Variants in NAALADL2 observed in about 807,000 individuals in gnomAD.
NAALADL2 encodes inactive N-acetylated-alpha-linked acidic dipeptidase-like protein 2.
A neutral mutation model predicts 87.2 loss-of-function variants in NAALADL2; 76 were observed. The observed-to-expected ratio is 0.87, with a 90% CI of 0.72 to 1.05. NAALADL2 has a LOEUF of 1.05. NAALADL2 is among the 50% of genes least tolerant of loss of function. The probability of loss-of-function intolerance (pLI) is 0.00; values close to 1 mark genes in which losing one functional copy is unlikely to be tolerated. For missense variants in NAALADL2, 1,089 were observed against 945.8 expected (o/e 1.15, Z -1.99); for synonymous variants, 354 against 331.0 (o/e 1.07, Z -0.75).
chr3:175,324,150 T>G (rs762684877), intron 4 of NAALADL2, 25 bp from the exon 5 acceptor site: 3 of 1,608,522 alleles, frequency 1.9e-6, no homozygotes, highest in Non-Finnish European at 2.5e-6. Context: ...GATAATATTT[T>G]TAATAGCTTG....
chr3:175,242,030 T>G (rs1747011372), intron 3 of NAALADL2, among the ~76,000 whole-genome samples: 1 of 151,096 alleles, frequency 6.6e-6, no homozygotes, highest in Non-Finnish European at 1.5e-5. Flanking sequence ...CCCAGCAAAT[T>G]TTTGTATTTT....
At chr3:175,779,412 CCT>C (rs565363345) in intron 13 of NAALADL2, among the ~76,000 whole-genome samples, 6 of 151,926 alleles carry the variant, frequency 3.9e-5, no homozygotes, top group African/African-American at 7.3e-5. Context: ...CTTATTTTTC[CCT>C]CTCTGTTATT....
rs949457484 is a variant in NAALADL2, at chr3:175,119,399, T to C, written c.545+22108T>C. On this transcript the variant is annotated intron_variant, in intron 2 of 13. Coordinates refer to ENST00000454872, the MANE Select transcript of NAALADL2 (RefSeq NM_207015.3). The stretch of plus-strand genomic sequence containing the variant: ...AGGAACAAATAATATTCCAGGTATA[T>C]GGTCTAAAGGTACAGAGTTATTTGT... Among the ~76,000 whole-genome samples, 6 of 151,734 alleles carry C rather than the reference T, an allele frequency of 4.0e-5. No homozygotes were observed. The East Asian group carries it at 1.2e-3, about 29-fold the overall frequency.
rs564879695 is a variant in NAALADL2, at chr3:175,042,852, G to A, written c.44-53938G>A. On this transcript the variant is annotated intron_variant, in intron 1 of 13. Coordinates refer to ENST00000454872, the MANE Select transcript of NAALADL2 (RefSeq NM_207015.3). The stretch of plus-strand genomic sequence containing the variant: ...ACCTAAAGTGAGTTGTTTTAGTCAC[G>A]GGGGTGAATCCTTCATAAATTAATG... Among the ~76,000 whole-genome samples, 8 of 152,142 alleles carry A rather than the reference G, an allele frequency of 5.3e-5. No individual in the cohort carries two copies. The East Asian group carries it at 7.8e-4, about 15-fold the overall frequency.
chr3:175,418,377 C>T (rs2149112467), intron 5 of NAALADL2, among the ~76,000 whole-genome samples: 1 of 152,230 alleles, frequency 6.6e-6, no homozygotes, highest in Middle Eastern at 3.4e-3. Flanking sequence ...GTAAGGTTAT[C>T]ATCCAATGCA....
intron 1 of NAALADL2, among the ~76,000 whole-genome samples, chr3:175,031,690 T>A (rs112156752): frequency 0.072 from 10,898 of 152,118 alleles, 435 homozygotes; most frequent in Middle Eastern, 0.13. Flanking sequence ...TTGAGAAGTC[T>A]CCAACTGCTT....
intron 2 of NAALADL2, among the ~76,000 whole-genome samples, chr3:175,118,416 T>C (rs932503355): frequency 1.3e-5 from 2 of 151,366 alleles, no homozygotes; most frequent in African/African-American, 4.9e-5. Context: ...AATAATTAAA[T>C]AAAGCATAAA....
intron 10 of NAALADL2, among the ~76,000 whole-genome samples, chr3:175,579,947 A>C (rs1282527806): frequency 6.6e-6 from 1 of 151,960 alleles, no homozygotes; most frequent in Non-Finnish European, 1.5e-5. Flanking sequence ...CTGATTCCTC[A>C]CTCTGTTTAA....
chr3:174,659,880 G>T (rs1725348906), intron 2 of NAALADL2, among the ~76,000 whole-genome samples: 1 of 151,984 alleles, frequency 6.6e-6, no homozygotes, highest in African/African-American at 2.4e-5. Context: ...TTAGACCCCG[G>T]TGCATCATCA....
intron 1 of NAALADL2, among the ~76,000 whole-genome samples, chr3:174,506,914 T>G (rs1324453026): frequency 1.3e-5 from 2 of 151,998 alleles, no homozygotes; most frequent in Non-Finnish European, 2.9e-5. Flanking sequence ...AAGTAATAAC[T>G]CCTTGTATTT....
At chr3:174,741,990 A>G (rs985066310) in intron 3 of NAALADL2, among the ~76,000 whole-genome samples, 5 of 151,466 alleles carry the variant, frequency 3.3e-5, no homozygotes, top group African/African-American at 1.2e-4. Flanking sequence ...ACATGTTTTT[A>G]TATTATTCTT....
At chr3:174,790,058 C>G (rs1244297925) in intron 3 of NAALADL2, among the ~76,000 whole-genome samples, 1 of 152,166 alleles carries the variant, frequency 6.6e-6, no homozygotes, top group African/African-American at 2.4e-5. Flanking sequence ...TCTTGGCTCT[C>G]TTTCACCACA....
intron 2 of NAALADL2, among the ~76,000 whole-genome samples, chr3:175,223,217 G>T (rs1743655522): frequency 6.6e-6 from 1 of 150,950 alleles, no homozygotes. Flanking sequence ...TTAGATTCCT[G>T]GTATTTATTC....
intron 2 of NAALADL2, among the ~76,000 whole-genome samples, chr3:174,612,991 T>C (rs1038574053): frequency 6.6e-6 from 1 of 152,230 alleles, no homozygotes; most frequent in African/African-American, 2.4e-5. Flanking sequence ...AAGCTGTATC[T>C]GCATTAGGGG....
chr3:175,234,460 T>C (rs904266456), intron 3 of NAALADL2, among the ~76,000 whole-genome samples: 1 of 152,202 alleles, frequency 6.6e-6, no homozygotes, highest in Non-Finnish European at 1.5e-5. Flanking sequence ...CACATTTTGC[T>C]CTGTCCATAT....
At chr3:174,722,420 G>A (rs918005379) in intron 2 of NAALADL2, among the ~76,000 whole-genome samples, 7 of 152,108 alleles carry the variant, frequency 4.6e-5, no homozygotes. Flanking sequence ...AACGTAGGGT[G>A]GGCTGGGTGT....
chr3:175,441,191 G>GA (rs906423686), intron 5 of NAALADL2, among the ~76,000 whole-genome samples: 39 of 150,674 alleles, frequency 2.6e-4, no homozygotes, highest in African/African-American at 7.5e-4. Context: ...AGTATTTGGG[G>GA]AAAAAAAAAT....
chr3:175,667,219 GA>G (rs1287931298), intron 11 of NAALADL2, among the ~76,000 whole-genome samples: 2 of 124,940 alleles, frequency 1.6e-5, no homozygotes, highest in Admixed American at 7.4e-5. Flanking sequence ...AAGAAAGAAA[GA>G]AAGAAAGAAA....
At chr3:175,619,229 A>AAGAG (rs1460131893) in intron 10 of NAALADL2, among the ~76,000 whole-genome samples, 7 of 115,576 alleles carry the variant, frequency 6.1e-5, no homozygotes, top group African/African-American at 1.9e-4. Context: ...GAAAGAGAGA[A>AAGAG]AGAAAGAAAG....
Sources: allele counts gnomAD v4.1 joint callset (sites outside exome capture counted in the v4.1 genomes callset), GRCh38; gene constraint gnomAD v4.1.1; transcripts MANE v1.5; gene names NCBI Gene and HGNC (gene_info 2026-07-23, HGNC 2026-07-21).